ZNF845: variants seen among roughly 807,000 people sequenced by gnomAD.
The protein encoded by ZNF845 is zinc finger protein 845.
A neutral mutation model predicts 76.1 loss-of-function variants in ZNF845; 59 were observed. The observed-to-expected ratio is 0.78, with a 90% confidence interval of 0.63 to 0.96. ZNF845 has a LOEUF of 0.96. ZNF845 is among the 40% of genes least tolerant of loss of function. ZNF845 has a pLI of 0.00. For missense variants in ZNF845, 1,045 were observed against 1,172.8 expected, an observed-to-expected ratio of 0.89 and a Z score of 1.59; for synonymous variants, 361 against 386.9, an observed-to-expected ratio of 0.93 and a Z score of 0.78.
At chr19:53,337,912 G>C (rs1173087661) in intron 1 of ZNF845, among the ~76,000 whole-genome samples, 4 of 152,088 alleles carry the variant, frequency 2.6e-5, no homozygotes, top group African/African-American at 4.8e-5. Flanking sequence ...TGTTGGCCAG[G>C]CTTATCTCAA....
rs1326388671 is a variant in ZNF845 at position 53,355,483 on chromosome 19, G to A, written c.*1895G>A. On this transcript the variant is annotated 3_prime_UTR_variant, in exon 4 of 4. Coordinates refer to ENST00000458035, the MANE Select transcript of ZNF845 (RefSeq NM_138374.3). ...GGCCCAGATGGTGGGCCAACATGGT[G>A]AGTACCTTGAAGAGAACTTGAAAGA... 2.6e-5 allele frequency: 4 copies of A among 151,882 alleles called. No individual in the cohort carries two copies. The highest frequency in any genetic ancestry group is 9.7e-5 in the African/African-American group (4 of 41,352). 9.4% of individuals were successfully genotyped at this position (151,882 alleles called of 1,614,324 possible).
intron 2 of ZNF845, among the ~76,000 whole-genome samples, chr19:53,345,078 G>A (rs901644089): frequency 1.3e-5 from 2 of 152,154 alleles, no homozygotes; most frequent in Non-Finnish European, 1.5e-5. Context: ...AGCACTTTGC[G>A]AGGCCGAGGC....
intron 1 of ZNF845, among the ~76,000 whole-genome samples, chr19:53,336,209 C>CAA (rs34338136): frequency 2.0e-4 from 23 of 112,802 alleles, no homozygotes; most frequent in East Asian, 1.9e-3. Context: ...GACTCCATCT[C>CAA]AAAAAAAAAA....
At chr19:53,348,551 G>T (rs2085312166) in intron 3 of ZNF845, among the ~76,000 whole-genome samples, 1 of 152,182 alleles carries the variant, frequency 6.6e-6, no homozygotes, top group South Asian at 2.1e-4. Flanking sequence ...GGCCCCATCT[G>T]CAGGAACATC....
chr19:53,340,266 G>A (rs1267477794), intron 1 of ZNF845, among the ~76,000 whole-genome samples: 1 of 152,188 alleles, frequency 6.6e-6, no homozygotes, highest in African/African-American at 2.4e-5. Context: ...TGGCCAGGCT[G>A]GTTTCGAACT....
intron 3 of ZNF845, among the ~76,000 whole-genome samples, chr19:53,349,082 ACTC>A: frequency 6.7e-6 from 1 of 149,472 alleles, no homozygotes; most frequent in East Asian, 2.0e-4. Flanking sequence ...CTGCTCTTGA[ACTC>A]CTGACCTTGT....
In ZNF845 at chr19:53,353,319, A is replaced by G. The variant is rs769042579; in HGVS notation, c.2644A>G (p.Thr882Ala). 3.1e-6 allele frequency: 5 copies of G among 1,613,702 alleles called. No homozygotes were observed. The highest frequency in any genetic ancestry group is 1.7e-5 in the Admixed American group (1 of 59,974). Residue 882 changes from threonine (T) to alanine (A), a missense_variant, in exon 4 of 4, where the codon ACT becomes GCT. Physicochemically the swap from Thr to Ala is moderately conservative, Grantham distance 58 (BLOSUM62 0). Transcript: ENST00000458035. ...CCTTTCACGTCATCATAGACTTCAT[A>G]CTGGAGAGAAACCTTACAAGTGTAA... ...ANLSRHHRLH[T>A]GEKPYKCNKC...
At chr19:53,333,831 C>G (rs1353132054) in intron 1 of ZNF845, 39 bp downstream of exon 1, 1 of 157,978 alleles carries the variant, frequency 6.3e-6, no homozygotes, top group Non-Finnish European at 1.4e-5. Flanking sequence ...CTGCGCTTCC[C>G]AAGTCCCCGG....
chr19:53,338,693 A>AGC (rs1374447363), intron 1 of ZNF845, among the ~76,000 whole-genome samples: 5 of 88,500 alleles, frequency 5.6e-5, no homozygotes, highest in African/African-American at 2.7e-4. Context: ...ACAACACGTG[A>AGC]GCACACACAC....
In ZNF845 at chr19:53,345,500, T is replaced by G; in HGVS notation, c.16-6T>G. ...ACCATTTCCTTAAAATGTGTTTTCATTTCAGGGTCTATTGACATTCAGGGA... is the reference window on the plus strand; with the variant it reads ...ACCATTTCCTTAAAATGTGTTTTCAGTTCAGGGTCTATTGACATTCAGGGA... On this transcript the variant is annotated splice_region_variant and splice_polypyrimidine_tract_variant and intron_variant, in intron 2 of 3. Transcript: ENST00000458035. 1 of 1,613,698 alleles carries G rather than the reference T, an allele frequency of 6.2e-7. No homozygotes were observed. Among genetic ancestry groups the G allele is most frequent in the Non-Finnish European group, 8.5e-7 (1 of 1,179,752 alleles).
chr19:53,352,812 C>T lies in ZNF845; in HGVS notation c.2137C>T (p.His713Tyr). 2.5e-6 allele frequency: 4 copies of T among 1,614,070 alleles called. No individual in the cohort carries two copies. The highest frequency in any genetic ancestry group is 1.7e-6 in the Non-Finnish European group (2 of 1,180,000). ...NSALIIHKAI[H>Y]TGEKPYKCNE... is the part of the protein sequence containing the mutation. ...AGCCCTTATAATTCACAAGGCAATT[C>T]ATACTGGAGAGAAACCTTACAAGTG... is the stretch of plus-strand genomic sequence containing the variant. The change falls in exon 4 of 4, where the codon CAT (histidine) becomes TAT (tyrosine). Residue 713 changes from histidine to tyrosine, a missense_variant. His to Tyr is a moderately conservative substitution (Grantham distance 83). Coordinates refer to ENST00000458035, the MANE Select transcript of ZNF845 (RefSeq NM_138374.3).
chr19:53,345,144 C>T (rs113140209), intron 2 of ZNF845, among the ~76,000 whole-genome samples: 18,856 of 151,948 alleles, frequency 0.12, 1,316 homozygotes, highest in African/African-American at 0.17. Context: ...GGTGAAACTC[C>T]GTCTCTACTA....
chr19:53,347,109 C>A (rs1226458822), intron 3 of ZNF845, among the ~76,000 whole-genome samples: 2 of 152,034 alleles, frequency 1.3e-5, no homozygotes, highest in African/African-American at 2.4e-5. Context: ...TCTCGAACTT[C>A]TGCCCTCAGG....
rs1034653515 is a variant in ZNF845 at position 53,355,538 on chromosome 19, G to T, written c.*1950G>T. On this transcript the variant is annotated 3_prime_UTR_variant, in exon 4 of 4. Coordinates refer to ENST00000458035, the MANE Select transcript of ZNF845 (RefSeq NM_138374.3). Reference sequence around the variant, plus strand: ...GTTAGATCGCCTAACCTCATTATCCGCCCACTTCGGACTTGCAAATTGCTG... The same window carrying T: ...GTTAGATCGCCTAACCTCATTATCCTCCCACTTCGGACTTGCAAATTGCTG... The T allele has an allele frequency of 4.6e-5, 7 of 151,938 alleles. No individual in the cohort carries two copies. Among genetic ancestry groups the T allele is most frequent in the African/African-American group, 1.7e-4 (7 of 41,364 alleles). 9.4% of individuals were successfully genotyped at this position (151,938 alleles called of 1,614,324 possible). A position where few individuals can be genotyped will look rare whatever the true frequency, so the allele number is the denominator to read the frequency against.
chr19:53,340,026 G>T (rs976038676), intron 1 of ZNF845, among the ~76,000 whole-genome samples: 3 of 152,048 alleles, frequency 2.0e-5, no homozygotes, highest in African/African-American at 7.2e-5. Flanking sequence ...GGGACTACAG[G>T]CACACGCCAC....
At chr19:53,342,530 T>C (rs2085263737) in intron 2 of ZNF845, among the ~76,000 whole-genome samples, 1 of 152,200 alleles carries the variant, frequency 6.6e-6, no homozygotes, top group East Asian at 1.9e-4. Context: ...ATAAAGCATC[T>C]CTTTTCCCTG....
chr19:53,342,757 GGTTT>G (rs1462779680), intron 2 of ZNF845, among the ~76,000 whole-genome samples: 1 of 152,038 alleles, frequency 6.6e-6, no homozygotes, highest in Non-Finnish European at 1.5e-5. Context: ...GGGTCATCAG[GGTTT>G]GTTGTACAGA....
At chr19:53,350,439 T>C (rs893806621) in intron 3 of ZNF845, among the ~76,000 whole-genome samples, 2 of 152,280 alleles carry the variant, frequency 1.3e-5, no homozygotes, top group Non-Finnish European at 2.9e-5. Context: ...TTAGCATTTA[T>C]TTGTATATAG....
rs372047612 is a variant in ZNF845 at position 53,352,933 on chromosome 19, A to G, written c.2258A>G (p.Asp753Gly). ...AAACCTTACAAATGTGAAGAATGTG[A>G]CAAAGTTTTCAGTCGCAAATCAAGC... ...GEKPYKCEEC[D>G]KVFSRKSSLE... Residue 753 changes from aspartate (D) to glycine (G), a missense_variant, in exon 4 of 4, where the codon GAC becomes GGC. Transcript: ENST00000458035. 2.5e-6 allele frequency: 4 copies of G among 1,613,662 alleles called. No homozygotes were observed. In the African/African-American group the frequency reaches 5.3e-5, roughly 22 times the overall value.
Sources: gnomAD v4.1 joint callset for allele counts (sites outside exome capture counted in the v4.1 genomes callset) on GRCh38, gnomAD v4.1.1 for gene constraint, MANE v1.5 for transcripts, NCBI Gene and HGNC (gene_info 2026-07-23, HGNC 2026-07-21) for gene names.